The following FRMD5 variants were observed in gnomAD, a reference collection of about 807,000 sequenced individuals.
FRMD5 encodes the protein FERM domain-containing protein 5.
A neutral mutation model predicts 69.0 loss-of-function variants in FRMD5; 20 were observed. The observed-to-expected ratio is 0.29, with a 90% CI of 0.20 to 0.42. The LOEUF (loss-of-function observed/expected upper bound fraction) is 0.42, where lower values mean the gene tolerates loss of function less well. Among genes scored for constraint, FRMD5 ranks in the 10% least tolerant of loss-of-function variants. The pLI, the probability that FRMD5 is intolerant of heterozygous loss-of-function variation, is 1.00. For synonymous variants in FRMD5, 271 were observed against 260.1 expected (o/e 1.04, Z -0.40); for missense variants, 595 against 708.6 (o/e 0.84, Z 1.82).
At chr15:43,990,093 G>C in intron 1 of FRMD5, 1 of 676,062 alleles carries the variant, frequency 1.5e-6, no homozygotes, top group Non-Finnish European at 2.8e-6. Flanking sequence ...TGAAGGGGAA[G>C]ATGGCCCGGG....
At chr15:44,081,728 C>T (rs1383655213) in intron 1 of FRMD5, among the ~76,000 whole-genome samples, 1 of 151,930 alleles carries the variant, frequency 6.6e-6, no homozygotes, top group Non-Finnish European at 1.5e-5. Flanking sequence ...CATTTTGGGG[C>T]CATAAATGAA....
At chr15:44,146,367 C>T (rs1342093225) in intron 1 of FRMD5, among the ~76,000 whole-genome samples, 1 of 152,082 alleles carries the variant, frequency 6.6e-6, no homozygotes, top group Non-Finnish European at 1.5e-5. Flanking sequence ...TCCATGATGT[C>T]TATGTACCAC....
At chr15:43,917,233 G>A (rs960472389) in intron 4 of FRMD5, among the ~76,000 whole-genome samples, 6 of 152,168 alleles carry the variant, frequency 3.9e-5, no homozygotes, top group Admixed American at 1.3e-4. Context: ...CAACAAAGAC[G>A]TGTTAGGTTT....
intron 1 of FRMD5, among the ~76,000 whole-genome samples, chr15:44,191,819 A>G (rs1233478837): frequency 6.7e-6 from 1 of 149,530 alleles, no homozygotes; most frequent in Non-Finnish European, 1.5e-5. Context: ...GAGTTCAAAG[A>G]TATTAGTTAT....
At chr15:44,031,734 G>A (rs1891693437) in intron 1 of FRMD5, among the ~76,000 whole-genome samples, 1 of 152,124 alleles carries the variant, frequency 6.6e-6, no homozygotes, top group Non-Finnish European at 1.5e-5. Flanking sequence ...ACGTAGTCCA[G>A]TATTTGGTGG....
In FRMD5 at chr15:44,189,490, C is replaced by CT. The variant is rs762693920; in HGVS notation, c.102+5462dup. Among the ~76,000 whole-genome samples the CT allele has an allele frequency of 4.2e-3, 561 of 134,960 alleles. 6 individuals carry two copies. The highest frequency in any genetic ancestry group is 0.041 in the East Asian group (191 of 4,700). The allele number at this position is 134,960 out of a possible 152,430, so 88.5% of individuals were successfully genotyped here. A position where few individuals can be genotyped will look rare whatever the true frequency, so the allele number is the denominator to read the frequency against. On this transcript the variant is annotated intron_variant, in intron 1 of 13. Transcript: ENST00000417257. ...TTTACAGTGCTTGTAAAAGTCAAGA[C>CT]TTTTTTTTTTTTTTTTGGGACAGAG...
chr15:43,957,233 T>A (rs948432600), intron 1 of FRMD5, among the ~76,000 whole-genome samples: 7 of 152,164 alleles, frequency 4.6e-5, no homozygotes, highest in Non-Finnish European at 8.8e-5. Context: ...TCTGGCTCTG[T>A]CACCCAGGCT....
At chr15:44,008,158 C>G (rs1242563786) in intron 1 of FRMD5, among the ~76,000 whole-genome samples, 5 of 148,008 alleles carry the variant, frequency 3.4e-5, no homozygotes, top group Non-Finnish European at 7.4e-5. Context: ...GTCTCAAACT[C>G]CTGGACTCAG....
chr15:43,970,909 G>A (rs1009493677), intron 1 of FRMD5, among the ~76,000 whole-genome samples: 13 of 152,140 alleles, frequency 8.5e-5, no homozygotes, highest in Non-Finnish European at 1.8e-4. Context: ...TTTCATTGGT[G>A]AGTAAGCTGA....
chr15:44,197,784 A>G (rs1277131691), upstream of FRMD5, among the ~76,000 whole-genome samples: 2 of 152,186 alleles, frequency 1.3e-5, no homozygotes, highest in Non-Finnish European at 2.9e-5. Context: ...AAGAGCAAGA[A>G]AAAATGTCCA....
chr15:43,880,580 T>C (rs2088498258), intron 13 of FRMD5, among the ~76,000 whole-genome samples: 2 of 152,250 alleles, frequency 1.3e-5, no homozygotes, highest in African/African-American at 4.8e-5. Flanking sequence ...AAACCTGATG[T>C]CCATCTCCCT....
chr15:43,955,077 T>C (rs1443138594), intron 1 of FRMD5, among the ~76,000 whole-genome samples: 5 of 152,244 alleles, frequency 3.3e-5, no homozygotes, highest in Non-Finnish European at 7.3e-5. Flanking sequence ...TTGCCTTTGA[T>C]GTATCTTGCT....
At chr15:44,174,771 A>C (rs2077864308) in intron 1 of FRMD5, among the ~76,000 whole-genome samples, 1 of 152,174 alleles carries the variant, frequency 6.6e-6, no homozygotes, top group South Asian at 2.1e-4. Flanking sequence ...TATTGTATGA[A>C]TCCATTTCAG....
chr15:43,982,734 A>G (rs2090567270), intron 1 of FRMD5, among the ~76,000 whole-genome samples: 1 of 152,208 alleles, frequency 6.6e-6, no homozygotes, highest in African/African-American at 2.4e-5. Context: ...GTATTTTTAA[A>G]GTTTTTTTTC....
chr15:43,878,876 G>A lies in FRMD5; in HGVS notation c.1136-4414C>T, dbSNP rs2088439054. On this transcript the variant is annotated intron_variant, in intron 13 of 13. Coordinates refer to ENST00000417257, the MANE Select transcript of FRMD5 (RefSeq NM_032892.5). ...AGCCACATCATACTGGGAGCTGTTGGTGCTCTCATTAAACAAGATAATGGA... is the reference window on the plus strand; with the variant it reads ...AGCCACATCATACTGGGAGCTGTTGATGCTCTCATTAAACAAGATAATGGA... Among the ~76,000 whole-genome samples the A allele has an allele frequency of 4.0e-5, 6 of 151,474 alleles. 1 individual carries two copies. The South Asian group carries it at 1.3e-3, about 32-fold the overall frequency.
chr15:43,927,650 A>G (rs1277398005), intron 1 of FRMD5, among the ~76,000 whole-genome samples: 2 of 152,174 alleles, frequency 1.3e-5, no homozygotes, highest in Admixed American at 6.5e-5. Flanking sequence ...GAACAGTGAG[A>G]GACAGTAGCA....
intron 1 of FRMD5, among the ~76,000 whole-genome samples, chr15:44,076,011 T>A (rs1459512923): frequency 6.6e-6 from 1 of 151,976 alleles, no homozygotes; most frequent in Non-Finnish European, 1.5e-5. Context: ...TTGATGGGGT[T>A]GTTTGTTTTT....
intron 13 of FRMD5, among the ~76,000 whole-genome samples, chr15:43,880,814 C>T (rs1360595739): frequency 6.6e-6 from 1 of 152,224 alleles, no homozygotes; most frequent in African/African-American, 2.4e-5. Context: ...GGCCTATACT[C>T]CTCAGCAGCC....
chr15:44,020,894 C>T (rs747060474), intron 1 of FRMD5, among the ~76,000 whole-genome samples: 2 of 152,154 alleles, frequency 1.3e-5, no homozygotes, highest in Non-Finnish European at 2.9e-5. Context: ...TGCAGTGGTA[C>T]ACCATTACAT....
Sources: allele counts gnomAD v4.1 joint callset (sites outside exome capture counted in the v4.1 genomes callset), GRCh38; gene constraint gnomAD v4.1.1; transcripts MANE v1.5; gene names NCBI Gene and HGNC (gene_info 2026-07-23, HGNC 2026-07-21).